The following COL4A6 variants were observed in gnomAD, a reference collection of about 807,000 sequenced individuals.
The protein encoded by COL4A6 is collagen alpha-6(IV) chain.
Under a neutral mutation model 126.7 loss-of-function variants are expected in COL4A6, and 59 were observed. The observed-to-expected ratio is 0.47, with a 90% CI of 0.38 to 0.58. COL4A6 has a LOEUF of 0.58. COL4A6 is among the 20% of genes least tolerant of loss of function. The pLI is 0.00. For synonymous variants in COL4A6, 547 were observed against 496.6 expected, an observed-to-expected ratio of 1.10 and a Z score of -1.35; for missense variants, 1,285 against 1,337.3, an observed-to-expected ratio of 0.96 and a Z score of 0.61.
intron 2 of COL4A6, among the ~76,000 whole-genome samples, chrX:108,312,512 G>C (rs2038787420): frequency 9.0e-6 from 1 of 111,730 alleles, no homozygotes; most frequent in Admixed American, 9.5e-5. Flanking sequence ...TACTCTGGCA[G>C]GAGGAAGCTA....
At chrX:108,329,332 C>CT (rs1206646124) in intron 2 of COL4A6, among the ~76,000 whole-genome samples, 1 of 111,297 alleles carries the variant, frequency 9.0e-6, no homozygotes, top group Non-Finnish European at 1.9e-5. Context: ...ACTGTACCCT[C>CT]TAAGTATGTA....
At chrX:108,204,278 A>G in intron 12 of COL4A6, 42 bp downstream of exon 12, 1 of 996,173 alleles carries the variant, frequency 1.0e-6, no homozygotes, top group Non-Finnish European at 1.4e-6. Context: ...TAATTATAGG[A>G]AAAGTTTTAT....
intron 7 of COL4A6, among the ~76,000 whole-genome samples, chrX:108,210,996 T>C (rs1161539958): frequency 1.8e-5 from 2 of 111,697 alleles, no homozygotes; most frequent in East Asian, 5.6e-4. Context: ...TCCTCAGATG[T>C]TGGGCACATA....
rs559631296 is a variant in COL4A6, at chrX:108,165,270, T to C, written c.3808+100A>G. 8.4e-4 allele frequency: 676 copies of C among 806,253 alleles called. 2 individuals carry two copies. In the South Asian group the frequency reaches 0.014, roughly 16 times the overall value. The allele number at this position is 806,253 out of a possible 1,213,427, so 66.4% of individuals were successfully genotyped here. On this transcript the variant is annotated intron_variant, in intron 38 of 44. Transcript: ENST00000334504. ...GGATGTGAAGCCAAACACGCCCACA[T>C]ATGTCCAGCAACAGGGACTTGGCTG...
At chrX:108,420,571 C>CTCAA (rs1323446265) in intron 2 of COL4A6, among the ~76,000 whole-genome samples, 1 of 111,551 alleles carries the variant, frequency 9.0e-6, no homozygotes, top group Admixed American at 9.5e-5. Context: ...TCAGTAGGGG[C>CTCAA]CTTAGTGCTT....
At chrX:108,377,931 G>C (rs1380005134) in intron 2 of COL4A6, among the ~76,000 whole-genome samples, 1 of 60,213 alleles carries the variant, frequency 1.7e-5, no homozygotes, top group Non-Finnish European at 2.6e-5. Context: ...GACAGAGCAA[G>C]ACTCCGTCTC....
chrX:108,240,668 C>T (rs1160124357), intron 3 of COL4A6, among the ~76,000 whole-genome samples: 4 of 111,868 alleles, frequency 3.6e-5, no homozygotes, highest in Admixed American at 1.9e-4. Flanking sequence ...AAATTAAGTG[C>T]TCACTCAATA....
intron 2 of COL4A6, among the ~76,000 whole-genome samples, chrX:108,328,439 G>C (rs961490438): frequency 2.7e-5 from 3 of 110,556 alleles, no homozygotes; most frequent in African/African-American, 6.6e-5. Context: ...GAGAGAAAGA[G>C]AGAGAGAGAA....
intron 3 of COL4A6, among the ~76,000 whole-genome samples, chrX:108,283,595 G>C (rs1419240514): frequency 9.1e-6 from 1 of 109,496 alleles, no homozygotes; most frequent in African/African-American, 3.3e-5. Context: ...TTTTGGGGGG[G>C]GGTTGGCGGC....
intron 19 of COL4A6, among the ~76,000 whole-genome samples, chrX:108,191,001 CT>C (rs2035023377): frequency 8.9e-6 from 1 of 111,790 alleles, no homozygotes; most frequent in Non-Finnish European, 1.9e-5. Flanking sequence ...GGCTTGGCTT[CT>C]TTTTTTCTCA....
chrX:108,383,659 G>A, intron 2 of COL4A6: 1 of 511,862 alleles, frequency 2.0e-6, no homozygotes, highest in Non-Finnish European at 3.5e-6. Flanking sequence ...GAAAACCAGT[G>A]CCGTTGAACA....
At chrX:108,437,245 C>A (rs1333221100) in intron 2 of COL4A6, among the ~76,000 whole-genome samples, 1 of 112,107 alleles carries the variant, frequency 8.9e-6, no homozygotes, top group Non-Finnish European at 1.9e-5. Flanking sequence ...TTAAACTTTT[C>A]TTGACCAAAA....
chrX:108,413,467 A>C (rs2041369780), intron 2 of COL4A6, among the ~76,000 whole-genome samples: 2 of 110,269 alleles, frequency 1.8e-5, no homozygotes, highest in South Asian at 3.9e-4. Context: ...CTTTATTATT[A>C]TTATTTTTTC....
At chrX:108,402,341 A>G (rs183433793) in intron 2 of COL4A6, among the ~76,000 whole-genome samples, 1 of 111,679 alleles carries the variant, frequency 9.0e-6, no homozygotes, top group East Asian at 2.8e-4. Flanking sequence ...CAATATCCAG[A>G]GCATATATAG....
intron 2 of COL4A6, among the ~76,000 whole-genome samples, chrX:108,337,415 A>G (rs1270725880): frequency 8.9e-6 from 1 of 112,579 alleles, no homozygotes; most frequent in African/African-American, 3.2e-5. Flanking sequence ...CATGTAAAAC[A>G]GGACATTATA....
intron 2 of COL4A6, among the ~76,000 whole-genome samples, chrX:108,339,409 A>T (rs1159407607): frequency 9.0e-6 from 1 of 110,910 alleles, no homozygotes; most frequent in Non-Finnish European, 1.9e-5. Flanking sequence ...TCTATACCAC[A>T]TTTGCTCCCT....
intron 2 of COL4A6, among the ~76,000 whole-genome samples, chrX:108,342,537 C>T (rs1286334342): frequency 1.8e-5 from 2 of 111,596 alleles, no homozygotes; most frequent in Admixed American, 9.5e-5. Flanking sequence ...GAGAACACTC[C>T]TAAGCTAACA....
intron 2 of COL4A6, among the ~76,000 whole-genome samples, chrX:108,333,580 T>C (rs1437386877): frequency 1.8e-5 from 2 of 110,753 alleles, no homozygotes; most frequent in East Asian, 2.8e-4. Context: ...ATTTAAGCAA[T>C]AGAAGGAAAA....
chrX:108,258,755 A>G (rs182415630), intron 3 of COL4A6, among the ~76,000 whole-genome samples: 13 of 111,914 alleles, frequency 1.2e-4, no homozygotes, highest in South Asian at 7.4e-4. Context: ...TCCTCTCCTG[A>G]GTGTCCATTT....
Sources: allele counts gnomAD v4.1 joint callset (sites outside exome capture counted in the v4.1 genomes callset), GRCh38; gene constraint gnomAD v4.1.1; transcripts MANE v1.5; gene names NCBI Gene and HGNC (gene_info 2026-07-23, HGNC 2026-07-21).